The following ARID4A variants were observed in gnomAD, a reference collection of about 807,000 sequenced individuals.
The protein encoded by ARID4A is AT-rich interactive domain-containing protein 4A.
A neutral mutation model predicts 148.6 loss-of-function variants in ARID4A; 39 were observed. That is an observed-to-expected ratio of 0.26 (90% confidence interval 0.20 to 0.34). The LOEUF (loss-of-function observed/expected upper bound fraction) is 0.34. ARID4A is among the 10% of genes least tolerant of loss of function. The probability of loss-of-function intolerance (pLI) is 1.00; values close to 1 mark genes in which losing one functional copy is unlikely to be tolerated. For missense variants in ARID4A, 1,265 were observed against 1,449.1 expected, an observed-to-expected ratio of 0.87 and a Z score of 2.06; for synonymous variants, 475 against 481.2, an observed-to-expected ratio of 0.99 and a Z score of 0.17.
chr14:58,299,290 C>T (rs2030897767), intron 1 of ARID4A: 1 of 152,406 alleles, frequency 6.6e-6, no homozygotes, highest in African/African-American at 2.4e-5. Context: ...AGGAGCGCTT[C>T]TCCTTTCTGA....
rs374078333 is a variant in ARID4A, at chr14:58,364,433, G to A, written c.2344G>A (p.Val782Ile). 8.1e-6 allele frequency: 13 copies of A among 1,613,010 alleles called. No homozygotes were observed. The Middle Eastern group carries it at 6.6e-4, about 82-fold the overall frequency. Reference sequence around the variant, plus strand: ...GAACAAAATGGAAAAAACAGAAGAAGTTAAGAAAGAAGCCGAAAAATCTCC... The same window carrying A: ...GAACAAAATGGAAAAAACAGAAGAAATTAAGAAAGAAGCCGAAAAATCTCC... ...FGNKMEKTEE[V>I]KKEAEKSPKG... The change falls in exon 20 of 24, where the codon GTT becomes ATT. Residue 782 changes from valine (V) to isoleucine (I), a missense_variant. This residue lies in a region of ARID4A where 666 missense variants were observed against 730.9 expected (regional missense o/e 0.91). Coordinates refer to ENST00000355431, the MANE Select transcript of ARID4A (RefSeq NM_002892.4).
intron 3 of ARID4A, among the ~76,000 whole-genome samples, chr14:58,303,122 G>A (rs2031320109): frequency 6.6e-6 from 1 of 151,854 alleles, no homozygotes; most frequent in South Asian, 2.1e-4. Context: ...CATTATAGAG[G>A]TATATCATAT....
At chr14:58,320,447 T>A (rs1488840070) in intron 7 of ARID4A, among the ~76,000 whole-genome samples, 1 of 152,086 alleles carries the variant, frequency 6.6e-6, no homozygotes, top group African/African-American at 2.4e-5. Context: ...TCAAACTTTG[T>A]CAGTTGTTCC....
rs1566724151 is a variant in ARID4A, at chr14:58,364,435, TAAGA to T, written c.2352_2355del (p.Glu785ProfsTer19). The T allele has an allele frequency of 1.9e-6, 3 of 1,612,972 alleles. No individual in the cohort carries two copies. Among genetic ancestry groups the T allele is most frequent in the African/African-American group, 1.3e-5 (1 of 74,828 alleles). On this transcript the variant is annotated frameshift_variant, in exon 20 of 24. Coordinates refer to ENST00000355431, the MANE Select transcript of ARID4A (RefSeq NM_002892.4). LOFTEE classifies it high-confidence loss of function. The stretch of plus-strand genomic sequence containing the variant: ...ACAAAATGGAAAAAACAGAAGAAGT[TAAGA>T]AAGAAGCCGAAAAATCTCCAAAAGG...
chr14:58,303,575 T>A (rs1168729007), intron 3 of ARID4A: 1 of 470,784 alleles, frequency 2.1e-6, no homozygotes, highest in African/African-American at 2.0e-5. Flanking sequence ...TCTGACTTGT[T>A]CTATGCCCAA....
chr14:58,305,080 C>T, intron 4 of ARID4A, 71 bp downstream of exon 4: 1 of 1,251,762 alleles, frequency 8.0e-7, no homozygotes, highest in South Asian at 1.5e-5. Context: ...ATTTACATTT[C>T]TACATAGACT....
chr14:58,361,872 G>T (rs2035147913), intron 19 of ARID4A, among the ~76,000 whole-genome samples: 1 of 151,994 alleles, frequency 6.6e-6, no homozygotes, highest in South Asian at 2.1e-4. Flanking sequence ...TCAGGTTTTT[G>T]GACTAGGGGT....
intron 15 of ARID4A, among the ~76,000 whole-genome samples, chr14:58,348,088 C>T (rs1190980): frequency 0.63 from 95,375 of 151,860 alleles, 30,092 homozygotes; most frequent in Middle Eastern, 0.74. Context: ...TATATTCGAT[C>T]AAGTCATTCT....
intron 19 of ARID4A, among the ~76,000 whole-genome samples, chr14:58,363,428 G>A (rs1356140137): frequency 2.0e-5 from 3 of 152,070 alleles, no homozygotes; most frequent in Admixed American, 1.3e-4. Context: ...TGCTGGGCAC[G>A]GTGGCTCATG....
At chr14:58,354,403 C>T (rs1485446263) in intron 17 of ARID4A, among the ~76,000 whole-genome samples, 1 of 152,142 alleles carries the variant, frequency 6.6e-6, no homozygotes, top group Non-Finnish European at 1.5e-5. Context: ...TTAAGAAAGG[C>T]AGGGCATGGG....
rs1045040557 is a variant in ARID4A, at chr14:58,334,779, G to A, written c.906+4610G>A. ...TCTTTTCAGGAAAAGAGAGACTATC[G>A]ACTCTCTCTTTTCTTGCATCTTTAA... On this transcript the variant is annotated intron_variant, in intron 11 of 23. Transcript: ENST00000355431. Among the ~76,000 whole-genome samples, 4 of 151,880 alleles carry A rather than the reference G, an allele frequency of 2.6e-5. No individual in the cohort carries two copies. In the South Asian group the frequency reaches 6.3e-4, roughly 24 times the overall value.
At chr14:58,302,487 C>T (rs1447432327) in intron 3 of ARID4A, among the ~76,000 whole-genome samples, 1 of 150,906 alleles carries the variant, frequency 6.6e-6, no homozygotes, top group Admixed American at 6.6e-5. Flanking sequence ...GAGCTAGACT[C>T]CATCTCCAAA....
intron 23 of ARID4A, among the ~76,000 whole-genome samples, chr14:58,368,587 T>TAA (rs1003258696): frequency 8.0e-5 from 12 of 149,122 alleles, no homozygotes; most frequent in Non-Finnish European, 1.3e-4. Context: ...TGTACCATAT[T>TAA]AAAAAAAAAA....
intron 11 of ARID4A, among the ~76,000 whole-genome samples, chr14:58,333,676 T>G (rs2033652424): frequency 6.6e-6 from 1 of 152,128 alleles, no homozygotes; most frequent in South Asian, 2.1e-4. Context: ...GTACTTGAGT[T>G]TGTTTACTCA....
chr14:58,336,279 T>C (rs1009704133), intron 11 of ARID4A, among the ~76,000 whole-genome samples: 1 of 152,210 alleles, frequency 6.6e-6, no homozygotes, highest in Non-Finnish European at 1.5e-5. Flanking sequence ...TCTGTAAAGA[T>C]TGTGAATTTT....
chr14:58,333,872 A>G (rs2033661094), intron 11 of ARID4A, among the ~76,000 whole-genome samples: 1 of 152,150 alleles, frequency 6.6e-6, no homozygotes, highest in African/African-American at 2.4e-5. Context: ...TTTAAATGTA[A>G]TGTTAATATT....
intron 2 of ARID4A, 89 bp downstream of exon 2, chr14:58,299,949 C>T: frequency 1.9e-6 from 3 of 1,575,024 alleles, no homozygotes; most frequent in Non-Finnish European, 2.6e-6. Context: ...TGTTTTGCTA[C>T]TCAAAATTGA....
chr14:58,348,896 T>C (rs2034501047), intron 15 of ARID4A, among the ~76,000 whole-genome samples: 7 of 152,160 alleles, frequency 4.6e-5, no homozygotes, highest in Admixed American at 4.6e-4. Context: ...TCTTTTTAAG[T>C]GTACACTTCA....
intron 5 of ARID4A, among the ~76,000 whole-genome samples, chr14:58,308,716 C>G (rs1019907721): frequency 1.3e-5 from 2 of 152,136 alleles, no homozygotes; most frequent in Admixed American, 6.6e-5. Flanking sequence ...TCAGTGAGTA[C>G]CTACTACCTA....
Sources: gnomAD v4.1 joint callset for allele counts (sites outside exome capture counted in the v4.1 genomes callset) on GRCh38, gnomAD v4.1.1 for gene constraint, gnomAD v4.1.1 regional missense constraint, MANE v1.5 for transcripts, NCBI Gene and HGNC (gene_info 2026-07-23, HGNC 2026-07-21) for gene names.